GRIA1: variants seen among roughly 807,000 people sequenced by gnomAD.
GRIA1 encodes glutamate receptor 1.
A neutral mutation model predicts 99.2 loss-of-function variants in GRIA1; 31 were observed. The observed-to-expected ratio is 0.31, with a 90% CI of 0.23 to 0.42. The LOEUF (loss-of-function observed/expected upper bound fraction) is 0.42, where lower values mean the gene tolerates loss of function less well. Ranked by LOEUF, GRIA1 falls within the 10% of genes least tolerant of loss-of-function variation. The pLI, the probability that GRIA1 is intolerant of heterozygous loss-of-function variation, is 1.00. For missense variants in GRIA1, 782 were observed against 1,157.5 expected (o/e 0.68, Z 4.71); for synonymous variants, 438 against 432.4 (o/e 1.01, Z -0.16).
chr5:153,559,672 C>T (rs1760951656), intron 2 of GRIA1, among the ~76,000 whole-genome samples: 1 of 152,130 alleles, frequency 6.6e-6, no homozygotes, highest in Non-Finnish European at 1.5e-5. Flanking sequence ...ATTAGTAATG[C>T]ATTGTGTTAC....
intron 2 of GRIA1, among the ~76,000 whole-genome samples, chr5:153,564,783 T>C (rs916539381): frequency 1.3e-5 from 2 of 152,224 alleles, no homozygotes; most frequent in African/African-American, 4.8e-5. Context: ...AAGGTTGCCA[T>C]GTTTGTCTAA....
intron 15 of GRIA1, among the ~76,000 whole-genome samples, chr5:153,804,727 TA>T: frequency 1.7e-5 from 1 of 59,970 alleles, no homozygotes; most frequent in South Asian, 8.5e-4. Flanking sequence ...ATTAATTAAT[TA>T]ATTAATTTAT....
intron 2 of GRIA1, among the ~76,000 whole-genome samples, chr5:153,582,730 G>A (rs2149377112): frequency 6.6e-6 from 1 of 152,256 alleles, no homozygotes; most frequent in Middle Eastern, 3.4e-3. Flanking sequence ...AAACCAAAGT[G>A]TACAGCAGAA....
chr5:153,758,683 A>G (rs1762985772), intron 11 of GRIA1, among the ~76,000 whole-genome samples: 1 of 152,002 alleles, frequency 6.6e-6, no homozygotes, highest in Non-Finnish European at 1.5e-5. Context: ...ACACCAGACT[A>G]GTTGTTTCTA....
intron 2 of GRIA1, among the ~76,000 whole-genome samples, chr5:153,552,781 C>G (rs1012544638): frequency 6.6e-6 from 1 of 152,144 alleles, no homozygotes; most frequent in Non-Finnish European, 1.5e-5. Flanking sequence ...TGCTTCTGGT[C>G]CCCCAATCAT....
chr5:153,735,175 G>T (rs1761298558), intron 11 of GRIA1, among the ~76,000 whole-genome samples: 2 of 152,312 alleles, frequency 1.3e-5, no homozygotes, highest in South Asian at 4.1e-4. Flanking sequence ...GACCATTACA[G>T]ATTTAAAGAA....
rs777279957 is a variant in GRIA1 at position 153,811,109 on chromosome 5, A to G, written c.2605A>G (p.Ser869Gly). ...LPRNSGAGAS[S>G]GGSGENGRVV... ...CCGCAACAGCGGGGCAGGAGCCAGC[A>G]GCGGCGGCAGTGGAGAGAATGGTCG... Residue 869 changes from serine (S) to glycine (G), a missense_variant, in exon 16 of 16, where the codon AGC becomes GGC. Physicochemically the swap from Ser to Gly is moderately conservative, Grantham distance 56. Coordinates refer to ENST00000285900, the MANE Select transcript of GRIA1 (RefSeq NM_000827.4). 2.5e-6 allele frequency: 4 copies of G among 1,614,060 alleles called. No homozygotes were observed. The highest frequency in any genetic ancestry group is 2.5e-6 in the Non-Finnish European group (3 of 1,179,920).
At chr5:153,781,129 G>C (rs1225071680) in intron 13 of GRIA1, among the ~76,000 whole-genome samples, 1 of 152,090 alleles carries the variant, frequency 6.6e-6, no homozygotes, top group Admixed American at 6.5e-5. Flanking sequence ...TAATCAGCCT[G>C]TTCCTCAGAG....
chr5:153,624,471 TC>T (rs1334048990), intron 2 of GRIA1, among the ~76,000 whole-genome samples: 2 of 152,270 alleles, frequency 1.3e-5, no homozygotes, highest in African/African-American at 4.8e-5. Context: ...TCACTGATCC[TC>T]CTCCCCTGAT....
chr5:153,549,932 T>C (rs1759978629), intron 2 of GRIA1, among the ~76,000 whole-genome samples: 2 of 152,188 alleles, frequency 1.3e-5, no homozygotes, highest in Non-Finnish European at 2.9e-5. Context: ...GGCGTTACAG[T>C]ACTCATCAAG....
At chr5:153,582,802 T>G (rs1348925121) in intron 2 of GRIA1, among the ~76,000 whole-genome samples, 3 of 151,956 alleles carry the variant, frequency 2.0e-5, no homozygotes, top group Non-Finnish European at 4.4e-5. Context: ...TTTATTTGTT[T>G]GTTTATTTTT....
At chr5:153,514,420 T>G (rs1756412410) in intron 2 of GRIA1, among the ~76,000 whole-genome samples, 2 of 152,256 alleles carry the variant, frequency 1.3e-5, no homozygotes, top group African/African-American at 4.8e-5. Flanking sequence ...ATAGCCAGCT[T>G]TTCCGGCACC....
At chr5:153,662,634 C>T (rs1221446758) in intron 5 of GRIA1, among the ~76,000 whole-genome samples, 1 of 152,184 alleles carries the variant, frequency 6.6e-6, no homozygotes, top group African/African-American at 2.4e-5. Context: ...CACCCGGCGC[C>T]TCATTTTATA....
chr5:153,606,565 A>G, intron 2 of GRIA1, among the ~76,000 whole-genome samples: 1 of 151,596 alleles, frequency 6.6e-6, no homozygotes, highest in East Asian at 1.9e-4. Flanking sequence ...ATCTTCTTTT[A>G]TTTTTTTCAG....
intron 3 of GRIA1, among the ~76,000 whole-genome samples, chr5:153,649,440 T>TTTATTTATTTAGTTAG (rs1554108110): frequency 6.2e-4 from 91 of 146,898 alleles, no homozygotes; most frequent in Admixed American, 4.9e-3. Flanking sequence ...TATTTATTTA[T>TTTATTTATTTAGTTAG]TTAGTTAGTT....
intron 7 of GRIA1, among the ~76,000 whole-genome samples, chr5:153,681,560 A>G (rs1355587306): frequency 6.6e-6 from 1 of 152,144 alleles, no homozygotes; most frequent in Admixed American, 6.5e-5. Context: ...TTGGCCTGTT[A>G]AGGAATTAGG....
At chr5:153,686,765 G>A (rs994633835) in intron 8 of GRIA1, among the ~76,000 whole-genome samples, 1 of 152,072 alleles carries the variant, frequency 6.6e-6, no homozygotes, top group Non-Finnish European at 1.5e-5. Context: ...CAAAAGTAAG[G>A]GTGAAAATAT....
intron 14 of GRIA1, among the ~76,000 whole-genome samples, chr5:153,797,483 T>C (rs1303066500): frequency 3.9e-5 from 6 of 152,172 alleles, no homozygotes; most frequent in Non-Finnish European, 8.8e-5. Context: ...CTGGGGACAA[T>C]TTCCCAACAC....
intron 11 of GRIA1, among the ~76,000 whole-genome samples, chr5:153,756,479 G>A (rs1762836429): frequency 6.6e-6 from 1 of 152,180 alleles, no homozygotes; most frequent in East Asian, 1.9e-4. Context: ...CTGCAACACT[G>A]TAGGCAGGGT....
Sources: gnomAD v4.1 joint callset for allele counts (sites outside exome capture counted in the v4.1 genomes callset) on GRCh38, gnomAD v4.1.1 for gene constraint, MANE v1.5 for transcripts, NCBI Gene and HGNC (gene_info 2026-07-23, HGNC 2026-07-21) for gene names.